The following SDHC variants were observed in gnomAD, a reference collection of about 807,000 sequenced individuals.
SDHC encodes succinate dehydrogenase complex subunit C, also known as succinate dehydrogenase cytochrome b560 subunit, mitochondrial.
SDHC carries 11 observed loss-of-function variants against 22.6 expected under a neutral mutation model. The ratio of observed to expected loss-of-function variants is 0.49; its 90% CI spans 0.31 to 0.81. SDHC has a LOEUF of 0.81. SDHC is among the 30% of genes least tolerant of loss of function. The pLI is 0.05. For synonymous variants in SDHC, 80 were observed against 77.8 expected, an observed-to-expected ratio of 1.03 and a Z score of -0.15; for missense variants, 160 against 212.0, an observed-to-expected ratio of 0.75 and a Z score of 1.52.
intron 1 of SDHC, among the ~76,000 whole-genome samples, chr1:161,315,857 G>T (rs907215510): frequency 2.6e-5 from 4 of 152,102 alleles, no homozygotes; most frequent in Admixed American, 2.6e-4. Flanking sequence ...ATCCCCGCCG[G>T]CCTCTGAGTT....
chr1:161,356,943 T>TG, intron 5 of SDHC, 103 bp downstream of exon 5: 1 of 1,245,040 alleles, frequency 8.0e-7, no homozygotes, highest in South Asian at 1.2e-5. Context: ...TTTTTTTTTT[T>TG]TCCCAAGAGT....
At chr1:161,320,142 C>T (rs753266947) in intron 1 of SDHC, among the ~76,000 whole-genome samples, 10 of 151,978 alleles carry the variant, frequency 6.6e-5, no homozygotes, top group Non-Finnish European at 1.5e-4. Flanking sequence ...TAGTGAGAAA[C>T]GAAGAGGATA....
chr1:161,318,275 C>T (rs756158365), intron 1 of SDHC, among the ~76,000 whole-genome samples: 1 of 152,118 alleles, frequency 6.6e-6, no homozygotes. Flanking sequence ...CCCCTTCCCC[C>T]TCCCCCGCAT....
chr1:161,322,709 G>A (rs529726199), intron 1 of SDHC, among the ~76,000 whole-genome samples: 1 of 151,788 alleles, frequency 6.6e-6, no homozygotes, highest in South Asian at 2.1e-4. Flanking sequence ...TCGTATTATA[G>A]GTGTGCACTA....
At chr1:161,320,828 A>ATTTTTTTTTTTTTTT (rs71270444) in intron 1 of SDHC, among the ~76,000 whole-genome samples, 3 of 127,682 alleles carry the variant, frequency 2.3e-5, no homozygotes, top group Non-Finnish European at 3.2e-5. Flanking sequence ...TTCAGTCTTG[A>ATTTTTTTTTTTTTTT]TTTTTTTTTT....
rs562454186 is a variant in SDHC at position 161,362,492 on chromosome 1, T to C, written c.*59T>C. ...ATTATTACATTCACCCATCTTTCTG[T>C]TTGTCATTCTTATCTCCAGCCTGGG... On this transcript the variant is annotated 3_prime_UTR_variant, in exon 6 of 6. Coordinates refer to ENST00000367975, the MANE Select transcript of SDHC (RefSeq NM_003001.5). The C allele has an allele frequency of 1.2e-6, 2 of 1,611,432 alleles. No individual in the cohort carries two copies. Among genetic ancestry groups the C allele is most frequent in the South Asian group, 2.2e-5 (2 of 90,874 alleles).
intron 1 of SDHC, among the ~76,000 whole-genome samples, chr1:161,315,162 C>T (rs1271539968): frequency 6.6e-6 from 1 of 152,228 alleles, no homozygotes; most frequent in East Asian, 1.9e-4. Context: ...GCGACTAGCG[C>T]CTTTAGACAC....
rs772450693 is a variant in SDHC at position 161,328,437 on chromosome 1, G to A, written c.119G>A (p.Arg40Gln). ...ACCACGGCCAAAGAAGAGATGGAGC[G>A]GTTCTGGAATAAGAATATAGGTTCA... ...LGTTAKEEME[R>Q]FWNKNIGSNR... Residue 40 changes from arginine to glutamine, a missense_variant, in exon 3 of 6, where the codon CGG (arginine) becomes CAG (glutamine). Arg to Gln is a conservative substitution (Grantham distance 43, BLOSUM62 1). This residue lies in a region of SDHC where 86 missense variants were observed against 83.4 expected (regional missense o/e 1.03). Transcript: ENST00000367975. 126 of 1,613,740 alleles carry A rather than the reference G, an allele frequency of 7.8e-5. No homozygotes were observed. The highest frequency in any genetic ancestry group is 1.7e-4 in the Middle Eastern group (1 of 6,048).
intron 5 of SDHC, among the ~76,000 whole-genome samples, chr1:161,361,052 G>T (rs1672489598): frequency 6.6e-6 from 1 of 152,090 alleles, no homozygotes; most frequent in Non-Finnish European, 1.5e-5. Flanking sequence ...GGCTGACGTT[G>T]CTGTGAGCCA....
At chr1:161,323,252 C>G (rs1055251496) in intron 1 of SDHC, among the ~76,000 whole-genome samples, 5 of 152,154 alleles carry the variant, frequency 3.3e-5, no homozygotes, top group African/African-American at 9.7e-5. Flanking sequence ...TCCGCCTCGG[C>G]CTCCCAAAGT....
intron 1 of SDHC, among the ~76,000 whole-genome samples, chr1:161,319,692 C>G (rs1342288825): frequency 1.3e-5 from 2 of 152,124 alleles, no homozygotes; most frequent in Non-Finnish European, 2.9e-5. Context: ...AGTGACCCAC[C>G]CACCTTGGCC....
intron 1 of SDHC, among the ~76,000 whole-genome samples, chr1:161,316,823 A>G (rs1011656206): frequency 1.3e-5 from 2 of 152,152 alleles, no homozygotes; most frequent in Admixed American, 1.3e-4. Context: ...ACCTCAAAGG[A>G]AAATACCTTC....
chr1:161,325,185 C>T (rs1264907654), intron 2 of SDHC, among the ~76,000 whole-genome samples: 3 of 151,928 alleles, frequency 2.0e-5, no homozygotes, highest in African/African-American at 7.3e-5. Flanking sequence ...CCAGCCTGGG[C>T]AGTAGAGTGA....
At chr1:161,340,973 A>C (rs1464806295) in intron 4 of SDHC, among the ~76,000 whole-genome samples, 1 of 152,064 alleles carries the variant, frequency 6.6e-6, no homozygotes, top group Non-Finnish European at 1.5e-5. Context: ...CCTCCTGAGT[A>C]GCTGGGATTA....
chr1:161,323,540 C>T, intron 1 of SDHC, 74 bp from the exon 2 acceptor site: 3 of 1,163,446 alleles, frequency 2.6e-6, no homozygotes, highest in Non-Finnish European at 3.9e-6. Context: ...CCCTTCACCC[C>T]TAAAAATAGA....
chr1:161,322,273 T>TTAGA (rs148443242), intron 1 of SDHC, among the ~76,000 whole-genome samples: 17,783 of 152,180 alleles, frequency 0.12, 1,390 homozygotes, highest in African/African-American at 0.22. Flanking sequence ...TAAATTCTCC[T>TTAGA]TAGAATGCCT....
intron 4 of SDHC, among the ~76,000 whole-genome samples, chr1:161,342,930 G>A (rs936382796): frequency 2.0e-5 from 3 of 152,138 alleles, no homozygotes; most frequent in Non-Finnish European, 4.4e-5. Flanking sequence ...CCCCTCCATC[G>A]CGTCTCTTTT....
At chr1:161,332,601 C>T (rs779877919) in intron 3 of SDHC, among the ~76,000 whole-genome samples, 13 of 151,768 alleles carry the variant, frequency 8.6e-5, no homozygotes, top group Non-Finnish European at 1.5e-4. Flanking sequence ...GTTGTTCAGC[C>T]ATCACCACAA....
In SDHC at chr1:161,328,474, G is replaced by C. The variant is rs987490127; in HGVS notation, c.156G>C (p.Leu52=). 6.2e-7 allele frequency: 1 copy of C among 1,611,538 alleles called. No individual in the cohort carries two copies. The highest frequency in any genetic ancestry group is 1.3e-5 in the African/African-American group (1 of 75,012). The change falls in exon 3 of 6, where the codon CTG becomes CTC. Residue 52 remains leucine, a synonymous_variant. Transcript: ENST00000367975. ...WNKNIGSNRP[L]SPHITIYSWS... is the part of the protein sequence containing the mutation. The stretch of plus-strand genomic sequence containing the variant: ...AGAATATAGGTTCAAACCGTCCTCT[G>C]TCTCCCCACATTACTATCTACAGGT...
Sources: gnomAD v4.1 joint callset for allele counts (sites outside exome capture counted in the v4.1 genomes callset) on GRCh38, gnomAD v4.1.1 for gene constraint, gnomAD v4.1.1 regional missense constraint, MANE v1.5 for transcripts, NCBI Gene and HGNC (gene_info 2026-07-23, HGNC 2026-07-21) for gene names.